Variants in ZNF778 observed in about 807,000 individuals in gnomAD.
The protein encoded by ZNF778 is zinc finger protein 778.
Under a neutral mutation model 23.9 loss-of-function variants are expected in ZNF778, and 37 were observed. That is an observed-to-expected ratio of 1.54 (90% CI 1.19 to 2.03). The LOEUF (loss-of-function observed/expected upper bound fraction) is 2.03. Ranked by LOEUF, ZNF778 falls within the 30% of genes most tolerant of loss-of-function variation. ZNF778 has a pLI of 0.00. For missense variants in ZNF778, 1,297 were observed against 934.4 expected, an observed-to-expected ratio of 1.39 and a Z score of -5.06; for synonymous variants, 483 against 343.9, an observed-to-expected ratio of 1.40 and a Z score of -4.48.
At chr16:89,225,512 C>T in intron 5 of ZNF778, 43 bp from the exon 6 acceptor site, 8 of 1,471,346 alleles carry the variant, frequency 5.4e-6, no homozygotes, top group Non-Finnish European at 7.5e-6. Context: ...AAACAAATAC[C>T]AATGAGTTTG....
chr16:89,236,239 G>A lies in ZNF778; in HGVS notation c.*7677G>A, dbSNP rs2032233413. 6.6e-6 allele frequency: 1 copy of A among 152,230 alleles called. No individual in the cohort carries two copies. Among genetic ancestry groups the A allele is most frequent in the South Asian group, 2.1e-4 (1 of 4,834 alleles). 9.4% of individuals were successfully genotyped at this position (152,230 alleles called of 1,614,324 possible). A position where few individuals can be genotyped will look rare whatever the true frequency, so the allele number is the denominator to read the frequency against. On this transcript the variant is annotated 3_prime_UTR_variant, in exon 7 of 7. Transcript: ENST00000433976. ...CCACGAAGCTGCCGAAAGCTACAGA[G>A]TGAAAGTCTTGGAAGGAGGCTGAGA...
Position 89,227,750 on chromosome 16 carries a change from G to C in ZNF778, c.1462G>C (p.Val488Leu), listed in dbSNP as rs1242612287. The change falls in exon 7 of 7, where the codon GTT becomes CTT. Residue 488 changes from valine (V) to leucine (L), a missense_variant. By Grantham distance (32) the Val-to-Leu change is conservative. Coordinates refer to ENST00000433976, the MANE Select transcript of ZNF778 (RefSeq NM_001201407.2). ...TAAAGATTGTGGGAAATCCTTCACT[G>C]TTTCTTCAAGCCTGACTGAGCACGC... is the stretch of plus-strand genomic sequence containing the variant. ...ECKDCGKSFT[V>L]SSSLTEHARI... The C allele has an allele frequency of 6.2e-7, 1 of 1,612,998 alleles. No homozygotes were observed. Among genetic ancestry groups the C allele is most frequent in the East Asian group, 2.2e-5 (1 of 44,826 alleles).
At chr16:89,225,470 C>T in intron 5 of ZNF778, 85 bp from the exon 6 acceptor site, 2 of 1,137,466 alleles carry the variant, frequency 1.8e-6, no homozygotes, top group East Asian at 2.6e-5. Context: ...TCTATCTTTG[C>T]TTTGTTTTTT....
At chr16:89,218,256 A>G (rs527929222) in intron 1 of ZNF778, 2 of 152,336 alleles carry the variant, frequency 1.3e-5, no homozygotes, top group South Asian at 2.1e-4. Flanking sequence ...TCTGAATCTA[A>G]TAAAAATGTG....
rs186915682 is a variant in ZNF778 at position 89,232,093 on chromosome 16, C to G, written c.*3531C>G. On this transcript the variant is annotated 3_prime_UTR_variant, in exon 7 of 7. Transcript: ENST00000433976. ...ATCAAGTCTCATGTTGAGCTTTGAC[C>G]CTCAGTGTGGCAGTGCTGGGAGGGG... 1 of 157,412 alleles carries G rather than the reference C, an allele frequency of 6.4e-6. No individual in the cohort carries two copies. The highest frequency in any genetic ancestry group is 1.4e-5 in the Non-Finnish European group (1 of 70,950). 9.8% of individuals were successfully genotyped at this position (157,412 alleles called of 1,614,324 possible).
In ZNF778 at chr16:89,232,881, A is replaced by C; in HGVS notation, c.*4319A>C. 4.1e-6 allele frequency: 5 copies of C among 1,214,368 alleles called. No individual in the cohort carries two copies. The highest frequency in any genetic ancestry group is 5.2e-6 in the Non-Finnish European group (5 of 956,968). The allele number at this position is 1,214,368 out of a possible 1,614,324, so 75.2% of individuals were successfully genotyped here. On this transcript the variant is annotated 3_prime_UTR_variant, in exon 7 of 7. Transcript: ENST00000433976. ...GCAAATCAACTCGCACTGCGTATGCAACTCAACTCGCACTGCGTATGCAAC... is the reference window on the plus strand; with the variant it reads ...GCAAATCAACTCGCACTGCGTATGCCACTCAACTCGCACTGCGTATGCAAC...
rs1408774129 is a variant in ZNF778 at position 89,235,431 on chromosome 16, T to G, written c.*6869T>G. On this transcript the variant is annotated 3_prime_UTR_variant, in exon 7 of 7. Transcript: ENST00000433976. ...AGCTGGCCTGTGAGGTTGACCACTC[T>G]GTAGGTGGACGAGCCTCGCCCGAGA... 6.6e-6 allele frequency: 1 copy of G among 152,196 alleles called. No homozygotes were observed. The allele number at this position is 152,196 out of a possible 1,614,324, so 9.4% of individuals were successfully genotyped here. A position where few individuals can be genotyped will look rare whatever the true frequency, so the allele number is the denominator to read the frequency against.
intron 1 of ZNF778, among the ~76,000 whole-genome samples, chr16:89,220,561 G>A (rs1016113350): frequency 5.3e-5 from 8 of 152,206 alleles, no homozygotes; most frequent in Non-Finnish European, 1.2e-4. Context: ...GGTAGGCTGA[G>A]GTGGAAGAAT....
intron 2 of ZNF778, among the ~76,000 whole-genome samples, chr16:89,221,643 C>T (rs1394095673): frequency 7.4e-6 from 1 of 135,278 alleles, no homozygotes; most frequent in African/African-American, 2.8e-5. Flanking sequence ...TTTCCTGAGG[C>T]ATTGTATGGC....
rs1177963481 is a variant in ZNF778, at chr16:89,232,461, G to A, written c.*3899G>A. ...GACACCAAGCATGATGGAAAACTGG[G>A]TTATGGGCAGGACTGCAAGTACTGG... is the stretch of plus-strand genomic sequence containing the variant. On this transcript the variant is annotated 3_prime_UTR_variant, in exon 7 of 7. Coordinates refer to ENST00000433976, the MANE Select transcript of ZNF778 (RefSeq NM_001201407.2). The A allele has an allele frequency of 1.3e-5, 5 of 384,028 alleles. No homozygotes were observed. Among genetic ancestry groups the A allele is most frequent in the African/African-American group, 8.4e-5 (4 of 47,354 alleles). 23.8% of individuals were successfully genotyped at this position (384,028 alleles called of 1,614,324 possible).
intron 1 of ZNF778, among the ~76,000 whole-genome samples, chr16:89,218,532 C>T (rs952104313): frequency 1.3e-5 from 2 of 152,254 alleles, no homozygotes; most frequent in African/African-American, 4.8e-5. Flanking sequence ...TGGCTCACGC[C>T]TGTAATCCCA....
Position 89,228,601 on chromosome 16 carries a change from A to G in ZNF778, c.*39A>G, listed in dbSNP as rs765330071. ...GGGAAGCTGTCAGCTACACTCATTC[A>G]CGTTGAAGACATGAAAGACCTCTCG... is the stretch of plus-strand genomic sequence containing the variant. On this transcript the variant is annotated 3_prime_UTR_variant, in exon 7 of 7. Transcript: ENST00000433976. 3.3e-6 allele frequency: 5 copies of G among 1,531,462 alleles called. No individual in the cohort carries two copies. Among genetic ancestry groups the G allele is most frequent in the Admixed American group, 2.2e-5 (1 of 45,434 alleles). 94.9% of individuals were successfully genotyped at this position (1,531,462 alleles called of 1,614,324 possible). A position where few individuals can be genotyped will look rare whatever the true frequency, so the allele number is the denominator to read the frequency against.
Position 89,234,324 on chromosome 16 carries a change from C to G in ZNF778, c.*5762C>G. 3 of 329,596 alleles carry G rather than the reference C, an allele frequency of 9.1e-6. No homozygotes were observed. The highest frequency in any genetic ancestry group is 5.9e-6 in the Non-Finnish European group (1 of 168,252). The allele number at this position is 329,596 out of a possible 1,614,324, so 20.4% of individuals were successfully genotyped here. ...TGACTCCTGGGCAGTTTTATTCTTT[C>G]TCTCTACTCGTTCAACCTTCTTAGG... On this transcript the variant is annotated 3_prime_UTR_variant, in exon 7 of 7. Coordinates refer to ENST00000433976, the MANE Select transcript of ZNF778 (RefSeq NM_001201407.2).
Position 89,230,181 on chromosome 16 carries a change from C to T in ZNF778, c.*1619C>T, listed in dbSNP as rs1455001554. 6.4e-6 allele frequency: 3 copies of T among 465,294 alleles called. No homozygotes were observed. The highest frequency in any genetic ancestry group is 4.3e-5 in the African/African-American group (2 of 46,850). 28.8% of individuals were successfully genotyped at this position (465,294 alleles called of 1,614,324 possible). A position where few individuals can be genotyped will look rare whatever the true frequency, so the allele number is the denominator to read the frequency against. ...AAATGCCCTTGTTCCTCTCCCATAC[C>T]TGATCCCTTCAGATAAAACACCAGG... On this transcript the variant is annotated 3_prime_UTR_variant, in exon 7 of 7. Coordinates refer to ENST00000433976, the MANE Select transcript of ZNF778 (RefSeq NM_001201407.2).
Position 89,221,154 on chromosome 16 carries a change from T to C in ZNF778, c.25+2T>C, listed in dbSNP as rs771241109. On this transcript the variant is annotated splice_donor_variant, in intron 2 of 6. Coordinates refer to ENST00000433976, the MANE Select transcript of ZNF778 (RefSeq NM_001201407.2). LOFTEE classifies it high-confidence loss of function. The stretch of plus-strand genomic sequence containing the variant: ...TGGCAGCCCCTGACCTGGCCCACGG[T>C]AAGTCCTGGTGGGGCTCCTTCTCAG... 4.5e-6 allele frequency: 7 copies of C among 1,562,438 alleles called. No homozygotes were observed. The African/African-American group carries it at 9.5e-5, about 21-fold the overall frequency.
In ZNF778 at chr16:89,228,283, G is replaced by C. The variant is rs763623704; in HGVS notation, c.1995G>C (p.Arg665Ser). Residue 665 changes from arginine to serine, a missense_variant, in exon 7 of 7, where the codon AGG (arginine) becomes AGC (serine). By Grantham distance (110) the Arg-to-Ser change is moderately radical. Coordinates refer to ENST00000433976, the MANE Select transcript of ZNF778 (RefSeq NM_001201407.2). ...ASSSHLIEHR[R>S]THTGEKPYIC... is the part of the protein sequence containing the mutation. ...CCTCACACCTTATCGAACACAGAAG[G>C]ACTCACACAGGAGAGAAACCTTACA... 6.2e-7 allele frequency: 1 copy of C among 1,605,464 alleles called. No homozygotes were observed. The highest frequency in any genetic ancestry group is 8.5e-7 in the Non-Finnish European group (1 of 1,173,216).
intron 4 of ZNF778, among the ~76,000 whole-genome samples, chr16:89,223,548 C>T (rs1411709665): frequency 6.6e-6 from 1 of 152,190 alleles, no homozygotes; most frequent in Non-Finnish European, 1.5e-5. Context: ...GTGGGCCTGT[C>T]ATCTCTCCTG....
At position 89,227,866 on chromosome 16, in the gene ZNF778, A is replaced by T. The variant is rs1210436391; in HGVS notation, c.1578A>T (p.Thr526=). 1.2e-6 allele frequency: 2 copies of T among 1,613,814 alleles called. No homozygotes were observed. Among genetic ancestry groups the T allele is most frequent in the African/African-American group, 1.3e-5 (1 of 74,848 alleles). Residue 526 remains threonine (T), a synonymous_variant, in exon 7 of 7, where the codon ACA becomes ACT. Coordinates refer to ENST00000433976, the MANE Select transcript of ZNF778 (RefSeq NM_001201407.2). The stretch of plus-strand genomic sequence containing the variant: ...CAGGCCTCACTAAACACATGCGGAC[A>T]CACACCGGGGAGAAGCCCTATGAAT... The part of the protein sequence containing the change: ...GRSGLTKHMR[T]HTGEKPYECK...
chr16:89,234,356 C>T lies in ZNF778; in HGVS notation c.*5794C>T, dbSNP rs56135239. 13,292 of 292,196 alleles carry T rather than the reference C, an allele frequency of 0.045. 568 individuals are homozygous for T. The highest frequency in any genetic ancestry group is 0.18 in the East Asian group (2,037 of 11,318). The allele number at this position is 292,196 out of a possible 1,614,324, so 18.1% of individuals were successfully genotyped here. The stretch of plus-strand genomic sequence containing the variant: ...CTCGTTCAACCTTCTTAGGGAGTGA[C>T]GTTTTTTCCAAAGTGGTTGTGAAAC... On this transcript the variant is annotated 3_prime_UTR_variant, in exon 7 of 7. Transcript: ENST00000433976.
Sources: allele counts gnomAD v4.1 joint callset (sites outside exome capture counted in the v4.1 genomes callset), GRCh38; gene constraint gnomAD v4.1.1; transcripts MANE v1.5; gene names NCBI Gene and HGNC (gene_info 2026-07-23, HGNC 2026-07-21).